Variants in AGBL4 observed in about 807,000 individuals in gnomAD.
AGBL4 encodes the protein cytosolic carboxypeptidase 6.
In AGBL4, 58 loss-of-function variants were observed where a neutral mutation model predicts 66.4. That is an observed-to-expected ratio of 0.87 (90% CI 0.71 to 1.09). The LOEUF (loss-of-function observed/expected upper bound fraction) is 1.09. Ranked by LOEUF, AGBL4 falls within the 50% of genes least tolerant of loss-of-function variation. The pLI is 0.00. For missense variants in AGBL4, 579 were observed against 631.0 expected (o/e 0.92, Z 0.88); for synonymous variants, 234 against 222.9 (o/e 1.05, Z -0.44).
At chr1:49,346,667 C>G (rs1206836016) in intron 3 of AGBL4, among the ~76,000 whole-genome samples, 2 of 152,194 alleles carry the variant, frequency 1.3e-5, no homozygotes, top group African/African-American at 4.8e-5. Flanking sequence ...CTGAGCTACT[C>G]TCTATCCTGA....
chr1:48,551,617 A>G (rs1180967519), intron 11 of AGBL4, among the ~76,000 whole-genome samples: 1 of 152,154 alleles, frequency 6.6e-6, no homozygotes, highest in Non-Finnish European at 1.5e-5. Context: ...ACAGAGAGAC[A>G]GAGACGGGGA....
chr1:48,864,295 G>A (rs1398499519), intron 6 of AGBL4, among the ~76,000 whole-genome samples: 1 of 152,140 alleles, frequency 6.6e-6, no homozygotes, highest in African/African-American at 2.4e-5. Flanking sequence ...AATTTCAAGT[G>A]TTAAGGCTGC....
chr1:49,708,550 T>C (rs1325959463), intron 2 of AGBL4, among the ~76,000 whole-genome samples: 1 of 152,120 alleles, frequency 6.6e-6, no homozygotes, highest in Non-Finnish European at 1.5e-5. Flanking sequence ...GAAGCCTACT[T>C]CTGTCAATTC....
intron 6 of AGBL4, among the ~76,000 whole-genome samples, chr1:48,730,820 T>C (rs559392632): frequency 3.3e-5 from 5 of 152,280 alleles, no homozygotes; most frequent in South Asian, 4.1e-4. Context: ...AAAAAAGTTA[T>C]AAAAATTAAC....
chr1:49,548,418 T>C (rs1040798782), intron 3 of AGBL4, among the ~76,000 whole-genome samples: 1 of 152,182 alleles, frequency 6.6e-6, no homozygotes, highest in Admixed American at 6.5e-5. Flanking sequence ...GGGTTTGTCA[T>C]AGATGACTTT....
At chr1:48,802,700 T>G (rs1018207388) in intron 6 of AGBL4, among the ~76,000 whole-genome samples, 2 of 152,098 alleles carry the variant, frequency 1.3e-5, no homozygotes, top group African/African-American at 2.4e-5. Flanking sequence ...ATACCACAGG[T>G]TCCAATGTCT....
intron 3 of AGBL4, among the ~76,000 whole-genome samples, chr1:49,444,827 TTTTATATATTC>T (rs1271398913): frequency 6.6e-6 from 1 of 152,050 alleles, no homozygotes; most frequent in African/African-American, 2.4e-5. Context: ...TTTCTGCTTG[TTTTATATATTC>T]TTTGTTCCTT....
At chr1:48,836,739 A>G (rs1327568748) in intron 6 of AGBL4, among the ~76,000 whole-genome samples, 1 of 152,118 alleles carries the variant, frequency 6.6e-6, no homozygotes, top group Non-Finnish European at 1.5e-5. Flanking sequence ...TCATCTGACA[A>G]AACAACCTTG....
At chr1:49,366,455 C>A (rs1644243216) in intron 3 of AGBL4, among the ~76,000 whole-genome samples, 1 of 152,140 alleles carries the variant, frequency 6.6e-6, no homozygotes, top group African/African-American at 2.4e-5. Context: ...ATTTTTTCCA[C>A]CATGAGAGAG....
At chr1:49,399,510 T>C (rs934990254) in intron 3 of AGBL4, among the ~76,000 whole-genome samples, 3 of 152,194 alleles carry the variant, frequency 2.0e-5, no homozygotes, top group East Asian at 1.9e-4. Flanking sequence ...GCATTTGTTA[T>C]TGCTTGTCTT....
chr1:49,969,057 T>C (rs999045748), intron 1 of AGBL4, among the ~76,000 whole-genome samples: 1 of 152,204 alleles, frequency 6.6e-6, no homozygotes. Context: ...TCTAGTAACA[T>C]ACAAGTACTC....
chr1:49,838,921 G>A (rs551503020), intron 2 of AGBL4, among the ~76,000 whole-genome samples: 1 of 152,108 alleles, frequency 6.6e-6, no homozygotes, highest in Non-Finnish European at 1.5e-5. Context: ...AGCATAAGAG[G>A]GTGGTTTATG....
chr1:49,890,777 T>C (rs942784497), intron 1 of AGBL4, among the ~76,000 whole-genome samples: 2 of 152,110 alleles, frequency 1.3e-5, no homozygotes, highest in African/African-American at 4.8e-5. Context: ...AAAAACATGA[T>C]CTTAGCAGAT....
intron 5 of AGBL4, among the ~76,000 whole-genome samples, chr1:48,953,843 G>A (rs554483223): frequency 6.6e-6 from 1 of 152,298 alleles, no homozygotes; most frequent in East Asian, 1.9e-4. Context: ...TTGGCTCAGA[G>A]CAGGAACAAC....
chr1:49,449,141 T>C (rs894617787), intron 3 of AGBL4, among the ~76,000 whole-genome samples: 3 of 152,188 alleles, frequency 2.0e-5, no homozygotes, highest in Non-Finnish European at 2.9e-5. Context: ...ATCTCCATTT[T>C]ATAGATGAGT....
chr1:49,381,288 A>G lies in AGBL4; in HGVS notation c.283-135424T>C, dbSNP rs539688112. On this transcript the variant is annotated intron_variant, in intron 3 of 13. Coordinates refer to ENST00000371839, the MANE Select transcript of AGBL4 (RefSeq NM_032785.4). ...CATCAGAGAAATGCAAATCAAAACC[A>G]CAATGAGATATCATCTCACACCAGT... Among the ~76,000 whole-genome samples, 115 of 152,338 alleles carry G rather than the reference A, an allele frequency of 7.5e-4. 1 individual carries two copies. The South Asian group carries it at 0.014, about 19-fold the overall frequency.
At chr1:49,706,999 G>A (rs1264921385) in intron 2 of AGBL4, among the ~76,000 whole-genome samples, 2 of 152,158 alleles carry the variant, frequency 1.3e-5, no homozygotes, top group Non-Finnish European at 2.9e-5. Flanking sequence ...GTTATGTGGT[G>A]CTGAGAAGAA....
intron 9 of AGBL4, among the ~76,000 whole-genome samples, chr1:48,608,543 GTGGA>G (rs111391043): frequency 1.2e-3 from 180 of 151,260 alleles, no homozygotes; most frequent in Non-Finnish European, 1.9e-3. Flanking sequence ...AGTCAGAGAA[GTGGA>G]TGGATGGATG....
At chr1:49,150,345 C>A (rs1321454634) in intron 4 of AGBL4, among the ~76,000 whole-genome samples, 1 of 152,166 alleles carries the variant, frequency 6.6e-6, no homozygotes, top group Non-Finnish European at 1.5e-5. Context: ...TCAAGGCAAT[C>A]TTTCACAATT....
Sources: gnomAD v4.1 joint callset for allele counts (sites outside exome capture counted in the v4.1 genomes callset) on GRCh38, gnomAD v4.1.1 for gene constraint, MANE v1.5 for transcripts, NCBI Gene and HGNC (gene_info 2026-07-23, HGNC 2026-07-21) for gene names.